NLRP1: variants seen among roughly 807,000 people sequenced by gnomAD.
The protein encoded by NLRP1 is NLR family pyrin domain containing 1, also known as NACHT, LRR and PYD domains-containing protein 1.
A neutral mutation model predicts 136.7 loss-of-function variants in NLRP1; 94 were observed. The observed-to-expected ratio is 0.69, with a 90% CI of 0.58 to 0.82. The LOEUF is 0.82. NLRP1 is among the 40% of genes least tolerant of loss of function. The probability of loss-of-function intolerance (pLI) is 0.00; values close to 1 mark genes in which losing one functional copy is unlikely to be tolerated. For missense variants in NLRP1, 1,575 were observed against 1,802.7 expected (o/e 0.87, Z 2.29); for synonymous variants, 690 against 725.1 (o/e 0.95, Z 0.78).
Position 5,521,701 on chromosome 17 carries a change from C to A in NLRP1, c.3606G>T (p.Leu1202=), listed in dbSNP as rs759876977. 1.2e-6 allele frequency: 2 copies of A among 1,613,576 alleles called. No individual in the cohort carries two copies. The highest frequency in any genetic ancestry group is 2.2e-5 in the South Asian group (2 of 91,046). Residue 1202 remains leucine, a synonymous_variant, in exon 13 of 17, where the codon CTG becomes CTT. Transcript: ENST00000572272. ...MLLEKPARVE[L]HHIVLENPSF... Reference sequence around the variant, plus strand: ...TGGGGTTTTCCAGAACTATGTGATGCAGCTCCACCCTGGCTGGCTTCTCCA... The same window carrying A: ...TGGGGTTTTCCAGAACTATGTGATGAAGCTCCACCCTGGCTGGCTTCTCCA...
intron 12 of NLRP1, chr17:5,529,893 C>T: frequency 2.3e-6 from 1 of 433,364 alleles, no homozygotes; most frequent in Non-Finnish European, 4.7e-6. Flanking sequence ...CCTTGTTTCC[C>T]CTTTGTGAGA....
At chr17:5,561,285 C>T (rs911778986) in intron 3 of NLRP1, among the ~76,000 whole-genome samples, 1 of 152,194 alleles carries the variant, frequency 6.6e-6, no homozygotes, top group African/African-American at 2.4e-5. Context: ...AAACTCCTGA[C>T]CTCACGTGAT....
chr17:5,533,104 T>C (rs1910531915), intron 10 of NLRP1, 120 bp from the exon 11 acceptor site: 3 of 1,420,724 alleles, frequency 2.1e-6, no homozygotes, highest in Admixed American at 5.1e-5. Flanking sequence ...GCAGGGAGTG[T>C]GTCTGCAGCT....
intron 8 of NLRP1, among the ~76,000 whole-genome samples, chr17:5,536,525 G>A (rs995175665): frequency 1.4e-5 from 2 of 143,754 alleles, no homozygotes; most frequent in Non-Finnish European, 3.0e-5. Context: ...ATCTTGGCTC[G>A]CTGCAGCCTC....
intron 3 of NLRP1, among the ~76,000 whole-genome samples, chr17:5,569,271 T>A (rs972328116): frequency 3.3e-5 from 5 of 152,112 alleles, no homozygotes; most frequent in African/African-American, 4.8e-5. Context: ...CTCACACATA[T>A]CGATATTAAT....
intron 15 of NLRP1, chr17:5,502,253 C>T (rs1451735548): frequency 9.1e-6 from 2 of 220,316 alleles, no homozygotes; most frequent in Non-Finnish European, 1.9e-5. Flanking sequence ...AGATGGAACC[C>T]TCATCCGTGA....
rs199590252 is a variant in NLRP1 at position 5,533,337 on chromosome 17, C to T, written c.3100G>A (p.Val1034Met). The change falls in exon 10 of 17, where the codon GTG (valine) becomes ATG (methionine). Residue 1034 changes from valine (V) to methionine (M), a missense_variant. Transcript: ENST00000572272. ...TCAGCAATTGGGAAGATCTTGCTCA[C>T]GTCCAGGAGTTTGAGATTAGCCTGA... is the stretch of plus-strand genomic sequence containing the variant. ...VAQANLKLLD[V>M]SKIFPIAEIA... The T allele has an allele frequency of 2.5e-5, 37 of 1,493,166 alleles. No individual in the cohort carries two copies. The highest frequency in any genetic ancestry group is 2.2e-4 in the East Asian group (9 of 40,674). 92.5% of individuals were successfully genotyped at this position (1,493,166 alleles called of 1,614,324 possible).
chr17:5,503,522 T>C (rs373991285), intron 15 of NLRP1: 1 of 152,210 alleles, frequency 6.6e-6, no homozygotes, highest in African/African-American at 2.4e-5. Flanking sequence ...CTTATTATTT[T>C]TTACCTGGTC....
intron 5 of NLRP1, among the ~76,000 whole-genome samples, chr17:5,548,635 T>G (rs1352149576): frequency 2.0e-5 from 3 of 152,224 alleles, no homozygotes; most frequent in Non-Finnish European, 4.4e-5. Context: ...TTCTCCCTCT[T>G]TAATGCACTC....
chr17:5,572,872 C>T (rs1307040196), intron 3 of NLRP1, among the ~76,000 whole-genome samples: 1 of 152,194 alleles, frequency 6.6e-6, no homozygotes, highest in Non-Finnish European at 1.5e-5. Context: ...CAGCTCCGGT[C>T]TACAACTCCC....
chr17:5,508,764 A>G (rs1323574734), intron 15 of NLRP1, among the ~76,000 whole-genome samples: 4 of 152,182 alleles, frequency 2.6e-5, no homozygotes, highest in Admixed American at 2.0e-4. Context: ...AAGGTTTAAA[A>G]CCCCATGTAC....
intron 7 of NLRP1, among the ~76,000 whole-genome samples, chr17:5,539,109 G>A (rs1008869792): frequency 1.3e-5 from 2 of 152,094 alleles, no homozygotes; most frequent in Non-Finnish European, 2.9e-5. Context: ...GACCTCAAGT[G>A]ATCCACCCGC....
chr17:5,560,980 A>C (rs1163975580), intron 3 of NLRP1, among the ~76,000 whole-genome samples: 1 of 152,226 alleles, frequency 6.6e-6, no homozygotes, highest in Non-Finnish European at 1.5e-5. Flanking sequence ...ATAGAACAAC[A>C]GTTACAACCT....
intron 4 of NLRP1, among the ~76,000 whole-genome samples, chr17:5,555,617 TGTCCACTGCTACTTGCA>T (rs1191801472): frequency 6.6e-6 from 1 of 152,130 alleles, no homozygotes; most frequent in African/African-American, 2.4e-5. Context: ...ATTTCCCACC[TGTCCACTGCTACTTGCA>T]GTACCTGTAT....
intron 12 of NLRP1, among the ~76,000 whole-genome samples, chr17:5,528,425 C>T (rs994564203): frequency 3.3e-5 from 5 of 152,180 alleles, no homozygotes; most frequent in Non-Finnish European, 7.4e-5. Context: ...TAGTCTGGGA[C>T]CTTCCCTAGG....
Position 5,584,233 on chromosome 17 carries a change from A to T in NLRP1, c.-276T>A. 1.9e-6 allele frequency: 1 copy of T among 523,562 alleles called. No homozygotes were observed. The highest frequency in any genetic ancestry group is 1.9e-5 in the African/African-American group (1 of 52,256). 32.4% of individuals were successfully genotyped at this position (523,562 alleles called of 1,614,324 possible). On this transcript the variant is annotated 5_prime_UTR_variant, in exon 1 of 17. Coordinates refer to ENST00000572272, the MANE Select transcript of NLRP1 (RefSeq NM_033004.4). ...CCTGGGATGGGGTCCAGGGCCAGGCAGGGAGGGTGAGGGTGAGGGGAGATG... is the reference window on the plus strand; with the variant it reads ...CCTGGGATGGGGTCCAGGGCCAGGCTGGGAGGGTGAGGGTGAGGGGAGATG...
chr17:5,575,158 A>C (rs947232040), intron 3 of NLRP1, among the ~76,000 whole-genome samples: 6 of 152,238 alleles, frequency 3.9e-5, no homozygotes, highest in Non-Finnish European at 8.8e-5. Context: ...GGTATCAGCC[A>C]CTGCAAAAAC....
At position 5,583,762 on chromosome 17, in the gene NLRP1, C is replaced by A. The variant is rs1397680252; in HGVS notation, c.196G>T (p.Ala66Ser). ...CAGGTATGGAGGGCTAGGTCCCAGG[C>A]CCGCTGCTCCCCATACTGAGCCACC... Reference protein sequence around the residue: ...YLVAQYGEQRAWDLALHTWEQ... With the variant: ...YLVAQYGEQRSWDLALHTWEQ... Residue 66 changes from alanine to serine, a missense_variant, in exon 1 of 17, where the codon GCC becomes TCC. By Grantham distance (99) the Ala-to-Ser change is moderately conservative. Coordinates refer to ENST00000572272, the MANE Select transcript of NLRP1 (RefSeq NM_033004.4). The surrounding 1 kb of genome is among the most constrained non-coding windows in gnomAD (Gnocchi z 4.5). 1 of 1,553,022 alleles carries A rather than the reference C, an allele frequency of 6.4e-7. No homozygotes were observed. The highest frequency in any genetic ancestry group is 1.9e-5 in the Admixed American group (1 of 51,326).
At chr17:5,528,922 A>T (rs1909884125) in intron 12 of NLRP1, among the ~76,000 whole-genome samples, 1 of 152,218 alleles carries the variant, frequency 6.6e-6, no homozygotes, top group Non-Finnish European at 1.5e-5. Context: ...AACTGATGTA[A>T]GCTATAACAT....
Sources: gnomAD v4.1 joint callset for allele counts (sites outside exome capture counted in the v4.1 genomes callset) on GRCh38, gnomAD v4.1.1 for gene constraint, Gnocchi (gnomAD v3.1) non-coding constraint, MANE v1.5 for transcripts, NCBI Gene and HGNC (gene_info 2026-07-23, HGNC 2026-07-21) for gene names.